The following CENPS variants were observed in gnomAD, a reference collection of about 807,000 sequenced individuals.
CENPS encodes centromere protein S, also known as FANCM associated histone fold protein 1.
In CENPS, 16 loss-of-function variants were observed where a neutral mutation model predicts 17.9. The observed-to-expected ratio is 0.90, with a 90% CI of 0.61 to 1.36. CENPS has a LOEUF of 1.36. Ranked by LOEUF, CENPS falls within the 40% of genes most tolerant of loss-of-function variation. The pLI is 0.00. For missense variants in CENPS, 160 were observed against 158.6 expected (o/e 1.01, Z -0.05); for synonymous variants, 49 against 55.8 (o/e 0.88, Z 0.54).
chr1:10,430,753 G>T, intron 1 of CENPS, 185 bp downstream of exon 1: 1 of 1,402,956 alleles, frequency 7.1e-7, no homozygotes, highest in Non-Finnish European at 9.2e-7. Flanking sequence ...CGGCAACGCG[G>T]CTGGACCCTG....
At chr1:10,433,429 T>G (rs1640011898) in intron 1 of CENPS, among the ~76,000 whole-genome samples, 1 of 152,206 alleles carries the variant, frequency 6.6e-6, no homozygotes, top group Non-Finnish European at 1.5e-5. Context: ...TTCTGTATTG[T>G]TGATTAACTG....
intron 3 of CENPS, among the ~76,000 whole-genome samples, chr1:10,434,917 C>T (rs1025765396): frequency 6.6e-6 from 1 of 152,144 alleles, no homozygotes; most frequent in Non-Finnish European, 1.5e-5. Context: ...TGTTAAAGAA[C>T]CCAAGTTATT....
In CENPS at chr1:10,438,852, T is replaced by C. The variant is rs74902888; in HGVS notation, c.210-1495T>C. 7.1e-3 allele frequency among the ~76,000 whole-genome samples: 1,074 copies of C among 152,332 alleles called. 3 individuals carry two copies. The highest frequency in any genetic ancestry group is 0.011 in the Non-Finnish European group (775 of 68,036). ...TGTGCTTATTCCTTTTACTGTACTT[T>C]AAGAAGAATGTAAATACAGACAGAG... is the stretch of plus-strand genomic sequence containing the variant. On this transcript the variant is annotated intron_variant, in intron 3 of 4. Transcript: ENST00000309048.
chr1:10,434,046 T>C (rs1640042711), intron 2 of CENPS, 81 bp downstream of exon 2: 2 of 1,590,174 alleles, frequency 1.3e-6, no homozygotes, highest in Admixed American at 1.7e-5. Flanking sequence ...GGGTGGGAGC[T>C]GTGGCGAGTC....
At position 10,442,343 on chromosome 1, in the gene CENPS, G is replaced by A; in HGVS notation, c.355G>A (p.Glu119Lys). 1 of 1,606,862 alleles carries A rather than the reference G, an allele frequency of 6.2e-7. No individual in the cohort carries two copies. The highest frequency in any genetic ancestry group is 8.5e-7 in the Non-Finnish European group (1 of 1,178,190). ...AAAAGCACAGAAGAAAAAGAAGTCA[G>A]AGGATGGAAGCAAAAATTCAAGGCA... ...ERKAQKKKKSEDGSKNSRQPA... is the reference protein window; with the variant it reads ...ERKAQKKKKSKDGSKNSRQPA... The change falls in exon 5 of 5, where the codon GAG becomes AAG. Residue 119 changes from glutamate (E) to lysine (K), a missense_variant. Glu to Lys is a moderately conservative substitution (Grantham distance 56). Transcript: ENST00000309048.
intron 3 of CENPS, among the ~76,000 whole-genome samples, chr1:10,436,559 A>G (rs1640168549): frequency 6.7e-6 from 1 of 149,656 alleles, no homozygotes; most frequent in Admixed American, 6.6e-5. Flanking sequence ...AAAAAAAATT[A>G]GCTGGGCGTG....
In CENPS at chr1:10,433,763, C is replaced by T. The variant is rs1175667257; in HGVS notation, c.52-79C>T. 1.9e-6 allele frequency: 3 copies of T among 1,596,334 alleles called. No homozygotes were observed. In the African/African-American group the frequency reaches 4.0e-5, roughly 21 times the overall value. On this transcript the variant is annotated intron_variant, in intron 1 of 4. Coordinates refer to ENST00000309048, the MANE Select transcript of CENPS (RefSeq NM_199294.3). ...AGGGATTGGGCTGAGCAGACCCTCT[C>T]CTTGGTCTTCATTTTTTAAGGCGTG...
chr1:10,431,401 G>A (rs1178701188), intron 1 of CENPS: 2 of 1,535,114 alleles, frequency 1.3e-6, no homozygotes, highest in African/African-American at 2.7e-5. Flanking sequence ...GCAAGAACAC[G>A]GTACAGAATG....
At chr1:10,431,534 T>C in intron 1 of CENPS, 1 of 1,175,130 alleles carries the variant, frequency 8.5e-7, no homozygotes, top group Non-Finnish European at 1.2e-6. Flanking sequence ...CGCCTTTACA[T>C]TTTAATTCTT....
chr1:10,436,466 C>T (rs1640163320), intron 3 of CENPS, among the ~76,000 whole-genome samples: 1 of 150,436 alleles, frequency 6.6e-6, no homozygotes, highest in South Asian at 2.1e-4. Context: ...CTTTGGGAGG[C>T]TGAGGCGGGT....
intron 4 of CENPS, among the ~76,000 whole-genome samples, chr1:10,441,007 G>T (rs1270805447): frequency 5.9e-5 from 9 of 152,204 alleles, no homozygotes; most frequent in Admixed American, 2.0e-4. Context: ...GGCCCCACAA[G>T]AGCAGGGGCT....
intron 3 of CENPS, among the ~76,000 whole-genome samples, chr1:10,436,769 CTGAG>C (rs997117058): frequency 1.0e-4 from 15 of 149,440 alleles, no homozygotes; most frequent in African/African-American, 3.7e-4. Context: ...TGTCTGAGAA[CTGAG>C]TGAGTGCAGA....
At chr1:10,442,133 C>A in intron 4 of CENPS, 132 bp from the exon 5 acceptor site, 3 of 1,194,750 alleles carry the variant, frequency 2.5e-6, no homozygotes, top group Non-Finnish European at 3.3e-6. Flanking sequence ...AGAAATGTAA[C>A]CCAGGCTTTG....
In CENPS at chr1:10,441,269, G is replaced by A. The variant is rs373381500; in HGVS notation, c.276+856G>A. On this transcript the variant is annotated intron_variant, in intron 4 of 4. Transcript: ENST00000309048. ...ACTCCTGGGCTCAGGCAGTCCTCCC[G>A]CCTTGGTTTCCCTATATGCCAGGAT... 1.9e-4 allele frequency among the ~76,000 whole-genome samples: 28 copies of A among 144,156 alleles called. No individual in the cohort carries two copies. The East Asian group carries it at 2.6e-3, about 14-fold the overall frequency. The allele number at this position is 144,156 out of a possible 152,430, so 94.6% of individuals were successfully genotyped here. A position where few individuals can be genotyped will look rare whatever the true frequency, so the allele number is the denominator to read the frequency against.
intron 3 of CENPS, among the ~76,000 whole-genome samples, chr1:10,438,867 TACAG>T (rs1460158372): frequency 6.6e-6 from 1 of 152,212 alleles, no homozygotes; most frequent in Non-Finnish European, 1.5e-5. Flanking sequence ...AGAATGTAAA[TACAG>T]ACAGAGCAGC....
chr1:10,441,313 CT>C (rs747986112), intron 4 of CENPS, among the ~76,000 whole-genome samples: 3,398 of 109,558 alleles, frequency 0.031, 91 homozygotes, highest in African/African-American at 0.11. Context: ...TGTGCCACAA[CT>C]TTTTTTTTTT....
At chr1:10,431,100 C>T (rs1639891522) in intron 1 of CENPS, 3 of 1,402,410 alleles carry the variant, frequency 2.1e-6, no homozygotes, top group South Asian at 1.5e-5. Context: ...TCGGCCCAGA[C>T]GCAATTTTCT....
At chr1:10,436,083 T>G (rs1375936444) in intron 3 of CENPS, among the ~76,000 whole-genome samples, 1 of 151,864 alleles carries the variant, frequency 6.6e-6, no homozygotes, top group South Asian at 2.1e-4. Context: ...GTTCAAGTGA[T>G]TCTCCTGCCT....
rs1007747734 is a variant in CENPS at position 10,430,997 on chromosome 1, G to A, written c.51+429G>A. 3.1e-6 allele frequency: 4 copies of A among 1,290,340 alleles called. No homozygotes were observed. The African/African-American group carries it at 4.6e-5, about 15-fold the overall frequency. 79.9% of individuals were successfully genotyped at this position (1,290,340 alleles called of 1,614,324 possible). A position where few individuals can be genotyped will look rare whatever the true frequency, so the allele number is the denominator to read the frequency against. On this transcript the variant is annotated intron_variant, in intron 1 of 4. Transcript: ENST00000309048. ...CTGGAGGCGTCGACCCCTCGTTACT[G>A]ATGCAGGGACGCGGTGCGGACCAGT...
Sources: gnomAD v4.1 joint callset for allele counts (sites outside exome capture counted in the v4.1 genomes callset) on GRCh38, gnomAD v4.1.1 for gene constraint, MANE v1.5 for transcripts, NCBI Gene and HGNC (gene_info 2026-07-23, HGNC 2026-07-21) for gene names.